The following HSF2BP variants were observed in gnomAD, a reference collection of about 807,000 sequenced individuals.
HSF2BP encodes the protein heat shock factor 2-binding protein.
Under a neutral mutation model 35.0 loss-of-function variants are expected in HSF2BP, and 35 were observed. That is an observed-to-expected ratio of 1.00 (90% confidence interval 0.76 to 1.32). HSF2BP has a LOEUF of 1.32. Ranked by LOEUF, HSF2BP falls within the 40% of genes most tolerant of loss-of-function variation. HSF2BP has a pLI of 0.00. For synonymous variants in HSF2BP, 114 were observed against 117.4 expected (o/e 0.97, Z 0.18); for missense variants, 326 against 321.7 (o/e 1.01, Z -0.10).
chr21:43,588,178 G>A (rs905929113), intron 8 of HSF2BP, among the ~76,000 whole-genome samples: 3 of 152,272 alleles, frequency 2.0e-5, no homozygotes, highest in East Asian at 1.9e-4. Context: ...AGGAGTTTGA[G>A]ACCAGCCTGG....
intron 6 of HSF2BP, among the ~76,000 whole-genome samples, chr21:43,621,559 T>C (rs746392817): frequency 6.6e-6 from 1 of 150,836 alleles, no homozygotes; most frequent in Non-Finnish European, 1.5e-5. Flanking sequence ...AGAAACCATA[T>C]AGGCCAGGAA....
intron 3 of HSF2BP, among the ~76,000 whole-genome samples, chr21:43,652,400 C>CAAAA (rs35714746): frequency 4.5e-4 from 40 of 89,266 alleles, no homozygotes; most frequent in African/African-American, 8.9e-4. Flanking sequence ...CAGACACCAT[C>CAAAA]AAAAAAAAAA....
intron 5 of HSF2BP, among the ~76,000 whole-genome samples, chr21:43,632,235 T>TCACACA (rs148478106): frequency 3.1e-5 from 1 of 32,360 alleles, no homozygotes; most frequent in African/African-American, 1.6e-4. Flanking sequence ...ATACACAGGC[T>TCACACA]CACACACACA....
chr21:43,578,114 G>A (rs1019084065), intron 8 of HSF2BP, among the ~76,000 whole-genome samples: 7 of 152,130 alleles, frequency 4.6e-5, no homozygotes, highest in African/African-American at 1.7e-4. Flanking sequence ...ACGAACGTGC[G>A]TCACATGGAC....
At chr21:43,612,566 G>A (rs951862902) in intron 7 of HSF2BP, among the ~76,000 whole-genome samples, 1 of 151,362 alleles carries the variant, frequency 6.6e-6, no homozygotes, top group East Asian at 2.0e-4. Flanking sequence ...CAGGAGAATG[G>A]TGTGAACCCG....
intron 4 of HSF2BP, among the ~76,000 whole-genome samples, chr21:43,642,463 T>C (rs778409816): frequency 1.2e-4 from 18 of 152,200 alleles, no homozygotes; most frequent in Non-Finnish European, 2.4e-4. Flanking sequence ...AGGCAGCTGC[T>C]AGAAGAGAAA....
chr21:43,603,716 C>A (rs529410066), intron 7 of HSF2BP, among the ~76,000 whole-genome samples: 1 of 152,276 alleles, frequency 6.6e-6, no homozygotes, highest in African/African-American at 2.4e-5. Context: ...GTGTGTCTGG[C>A]CACCATATGC....
At chr21:43,577,432 A>G (rs1270697745) in intron 8 of HSF2BP, among the ~76,000 whole-genome samples, 4 of 152,224 alleles carry the variant, frequency 2.6e-5, no homozygotes, top group African/African-American at 9.6e-5. Context: ...AAACGTAATC[A>G]CATTTATTAT....
chr21:43,610,059 T>C (rs1334751298), intron 7 of HSF2BP: 1 of 152,378 alleles, frequency 6.6e-6, no homozygotes, highest in East Asian at 1.9e-4. Flanking sequence ...ATGGACCTTG[T>C]ACAGACCACA....
At chr21:43,603,391 G>T (rs1357944610) in intron 7 of HSF2BP, among the ~76,000 whole-genome samples, 1 of 152,198 alleles carries the variant, frequency 6.6e-6, no homozygotes, top group Non-Finnish European at 1.5e-5. Context: ...GACGAAGGGG[G>T]ACACTCCTGA....
At chr21:43,579,773 C>T (rs901577548) in intron 8 of HSF2BP, among the ~76,000 whole-genome samples, 3 of 152,162 alleles carry the variant, frequency 2.0e-5, no homozygotes, top group African/African-American at 4.8e-5. Flanking sequence ...CTTTGAGTTC[C>T]GACTCTAACA....
intron 8 of HSF2BP, among the ~76,000 whole-genome samples, chr21:43,574,547 C>G (rs2081617111): frequency 6.6e-6 from 1 of 152,098 alleles, no homozygotes; most frequent in Admixed American, 6.6e-5. Flanking sequence ...TTAGTAGAGA[C>G]AGGGTTTCAC....
Position 43,658,098 on chromosome 21 carries a change from G to C in HSF2BP, c.-2C>G. The C allele has an allele frequency of 6.5e-7, 1 of 1,534,166 alleles. No homozygotes were observed. Among genetic ancestry groups the C allele is most frequent in the East Asian group, 2.5e-5 (1 of 40,790 alleles). ...CTCAGCGGCGCCCGCTTCGCCCATG[G>C]CCGCTGCCGCCTCCGCTCCGTTCGC... On this transcript the variant is annotated 5_prime_UTR_variant, in exon 2 of 9. Coordinates refer to ENST00000291560, the MANE Select transcript of HSF2BP (RefSeq NM_007031.2).
intron 7 of HSF2BP, among the ~76,000 whole-genome samples, chr21:43,610,821 T>G (rs2082195072): frequency 6.6e-6 from 1 of 152,178 alleles, no homozygotes; most frequent in South Asian, 2.1e-4. Context: ...CTGGGAAAAC[T>G]CCTGGAGAAC....
chr21:43,630,507 A>G, intron 5 of HSF2BP, 53 bp from the exon 6 acceptor site: 2 of 1,557,080 alleles, frequency 1.3e-6, no homozygotes, highest in South Asian at 2.4e-5. Context: ...CTAGTGTGAA[A>G]ACATTTTAAA....
At chr21:43,580,927 T>C (rs548451541) in intron 8 of HSF2BP, among the ~76,000 whole-genome samples, 1 of 152,354 alleles carries the variant, frequency 6.6e-6, no homozygotes, top group East Asian at 1.9e-4. Context: ...CTAAACCCTC[T>C]GGCCTTTCTC....
chr21:43,607,935 T>C (rs572907057), intron 7 of HSF2BP, among the ~76,000 whole-genome samples: 1 of 152,196 alleles, frequency 6.6e-6, no homozygotes, highest in South Asian at 2.1e-4. Flanking sequence ...TAACCACAGA[T>C]AAAAATTAAC....
At chr21:43,657,951 C>T (rs542134161) in intron 2 of HSF2BP, 110 bp downstream of exon 2, 745 of 1,515,860 alleles carry the variant, frequency 4.9e-4, no homozygotes, top group Non-Finnish European at 5.8e-4. Context: ...TCCAGGCTTC[C>T]CCCAAGCACG....
chr21:43,605,477 C>T (rs1382733011), intron 7 of HSF2BP, among the ~76,000 whole-genome samples: 2 of 146,418 alleles, frequency 1.4e-5, no homozygotes, highest in African/African-American at 5.1e-5. Flanking sequence ...CACCCCCACA[C>T]GCCACACCCA....
Sources: gnomAD v4.1 joint callset for allele counts (sites outside exome capture counted in the v4.1 genomes callset) on GRCh38, gnomAD v4.1.1 for gene constraint, MANE v1.5 for transcripts, NCBI Gene and HGNC (gene_info 2026-07-23, HGNC 2026-07-21) for gene names.